KLRG1: variants seen among roughly 807,000 people sequenced by gnomAD.
KLRG1 encodes the protein killer cell lectin-like receptor subfamily G member 1.
KLRG1 carries 16 observed loss-of-function variants against 21.8 expected under a neutral mutation model. The observed-to-expected ratio is 0.73, with a 90% confidence interval of 0.50 to 1.11. The LOEUF is 1.11. Among genes scored for constraint, KLRG1 ranks in the 50% most tolerant of loss-of-function variants. The pLI, the probability that KLRG1 is intolerant of heterozygous loss-of-function variation, is 0.00. For missense variants in KLRG1, 173 were observed against 218.3 expected (o/e 0.79, Z 1.31); for synonymous variants, 69 against 75.9 (o/e 0.91, Z 0.47).
intron 1 of KLRG1, among the ~76,000 whole-genome samples, chr12:8,957,443 A>G (rs1054078450): frequency 6.6e-6 from 1 of 152,224 alleles, no homozygotes; most frequent in African/African-American, 2.4e-5. Flanking sequence ...CTTCTTCACA[A>G]TTTAACAGAT....
chr12:9,141,568 A>G, the KLRG1 span, among the ~76,000 whole-genome samples: 1 of 152,220 alleles, frequency 6.6e-6, no homozygotes, highest in Non-Finnish European at 1.5e-5. Context: ...ATATATTTAC[A>G]CACAGAATTT....
the KLRG1 span, chr12:9,182,188 G>C: frequency 7.3e-6 from 2 of 272,290 alleles, no homozygotes; most frequent in East Asian, 1.2e-4. Context: ...AGTGTCATAA[G>C]GACACTATTG....
downstream of KLRG1, among the ~76,000 whole-genome samples, chr12:9,015,199 A>G (rs77850726): frequency 0.048 from 7,307 of 152,162 alleles, 527 homozygotes; most frequent in African/African-American, 0.16. Context: ...AAATTCTCCA[A>G]TCAAAAGACA....
the KLRG1 span, among the ~76,000 whole-genome samples, chr12:9,100,914 G>C: frequency 1.3e-5 from 2 of 152,092 alleles, no homozygotes; most frequent in African/African-American, 4.8e-5. Flanking sequence ...AGGGTGGAAG[G>C]GGGTGAGGGA....
the KLRG1 span, among the ~76,000 whole-genome samples, chr12:9,142,587 G>A: frequency 2.0e-5 from 3 of 152,076 alleles, no homozygotes; most frequent in Non-Finnish European, 4.4e-5. Context: ...ATTTTTCTTA[G>A]GCCAGTCAAT....
the KLRG1 span, among the ~76,000 whole-genome samples, chr12:9,136,826 T>C: frequency 2.6e-5 from 4 of 152,206 alleles, no homozygotes; most frequent in African/African-American, 9.6e-5. Context: ...ATGTTTTCTT[T>C]TGAAAGATGT....
the KLRG1 span, chr12:9,093,555 T>C: frequency 1.2e-6 from 2 of 1,608,724 alleles, no homozygotes; most frequent in Non-Finnish European, 1.7e-6. Flanking sequence ...CAGGCGTGCA[T>C]GGCCTCTTCC....
chr12:9,107,621 G>A, the KLRG1 span: 2,608 of 1,613,946 alleles, frequency 1.6e-3, 76 homozygotes, highest in Admixed American at 0.042. Flanking sequence ...CACATGTCCA[G>A]GGACAGGCTT....
chr12:9,181,844 G>T, the KLRG1 span: 2 of 944,984 alleles, frequency 2.1e-6, no homozygotes. Context: ...ATTTGGGTCT[G>T]CCATAAACTT....
At chr12:9,097,528 A>G in the KLRG1 span, among the ~76,000 whole-genome samples, 21 of 152,206 alleles carry the variant, frequency 1.4e-4, no homozygotes, top group South Asian at 1.2e-3. Context: ...TGTCAATTAT[A>G]TAGTAGTTCA....
At chr12:8,989,426 A>G (rs141685680), upstream of KLRG1, 1 of 466,682 alleles carries the variant, frequency 2.1e-6, no homozygotes, top group African/African-American at 2.0e-5. Flanking sequence ...GTGAGCATCT[A>G]CAGTGTCATG....
intron 1 of KLRG1, among the ~76,000 whole-genome samples, chr12:8,975,514 C>T (rs774187191): frequency 6.6e-6 from 1 of 152,060 alleles, no homozygotes; most frequent in African/African-American, 2.4e-5. Flanking sequence ...AATGCCTCTT[C>T]ATTCATTTTT....
At chr12:9,024,853 C>T in the KLRG1 span, among the ~76,000 whole-genome samples, 1 of 152,142 alleles carries the variant, frequency 6.6e-6, no homozygotes, top group Non-Finnish European at 1.5e-5. Context: ...GTAATGCTCT[C>T]ACAGGGCAAA....
Position 8,977,436 on chromosome 12 carries a change from G to A in KLRG1, c.-155-14770G>A, listed in dbSNP as rs1481631658. ...TCACCATGTTAGCCAGGATGGTCTC[G>A]ATCTCCTGACCTTGTGATCTGCCCG... On this transcript the variant is annotated intron_variant, in intron 1 of 4. Coordinates refer to the KLRG1 transcript ENST00000539240. 4.9e-5 allele frequency among the ~76,000 whole-genome samples: 7 copies of A among 144,194 alleles called. No homozygotes were observed. In the South Asian group the frequency reaches 8.8e-4, roughly 18 times the overall value. The allele number at this position is 144,194 out of a possible 152,430, so 94.6% of individuals were successfully genotyped here. A position where few individuals can be genotyped will look rare whatever the true frequency, so the allele number is the denominator to read the frequency against.
chr12:9,124,720 G>A, the KLRG1 span, among the ~76,000 whole-genome samples: 1 of 152,330 alleles, frequency 6.6e-6, no homozygotes, highest in Non-Finnish European at 1.5e-5. Context: ...CCCATTGCCT[G>A]GCCTTTCTCC....
chr12:9,138,732 A>G, the KLRG1 span, among the ~76,000 whole-genome samples: 1 of 151,988 alleles, frequency 6.6e-6, no homozygotes, highest in African/African-American at 2.4e-5. Flanking sequence ...TGTTTTGTGT[A>G]TTTGGGAATT....
At chr12:9,105,160 A>G in the KLRG1 span, among the ~76,000 whole-genome samples, 1 of 152,190 alleles carries the variant, frequency 6.6e-6, no homozygotes, top group Non-Finnish European at 1.5e-5. Context: ...AGTATAAGCT[A>G]CAGTTGGTAG....
chr12:9,114,229 A>G, the KLRG1 span, among the ~76,000 whole-genome samples: 139 of 152,310 alleles, frequency 9.1e-4, no homozygotes, highest in African/African-American at 3.2e-3. Flanking sequence ...GACCTTGGTA[A>G]CTCATGTGCA....
At chr12:9,052,449 A>C in the KLRG1 span, among the ~76,000 whole-genome samples, 3 of 152,254 alleles carry the variant, frequency 2.0e-5, no homozygotes, top group African/African-American at 7.2e-5. Flanking sequence ...CAATCACGCC[A>C]TGCTGATGCC....
Sources: gnomAD v4.1 joint callset for allele counts (sites outside exome capture counted in the v4.1 genomes callset) on GRCh38, gnomAD v4.1.1 for gene constraint, MANE v1.5 for transcripts, NCBI Gene and HGNC (gene_info 2026-07-23, HGNC 2026-07-21) for gene names.